ASCC3: variants seen among roughly 807,000 people sequenced by gnomAD.
The protein encoded by ASCC3 is activating signal cointegrator 1 complex subunit 3, also known as ASC-1 complex subunit P200.
In ASCC3, 158 loss-of-function variants were observed where a neutral mutation model predicts 256.3. The observed-to-expected ratio is 0.62, with a 90% confidence interval of 0.54 to 0.70. The LOEUF (loss-of-function observed/expected upper bound fraction) is 0.70. Ranked by LOEUF, ASCC3 falls within the 30% of genes least tolerant of loss-of-function variation. The probability of loss-of-function intolerance (pLI) is 0.00; values close to 1 mark genes in which losing one functional copy is unlikely to be tolerated. For synonymous variants in ASCC3, 948 were observed against 883.4 expected (o/e 1.07, Z -1.30); for missense variants, 2,259 against 2,626.0 (o/e 0.86, Z 3.05).
chr6:100,530,913 G>C, intron 37 of ASCC3: 1 of 1,300,590 alleles, frequency 7.7e-7, no homozygotes. Context: ...AAAGACACTT[G>C]GAATCTTCTT....
intron 14 of ASCC3, among the ~76,000 whole-genome samples, chr6:100,668,588 G>A (rs766755486): frequency 2.0e-5 from 3 of 151,776 alleles, no homozygotes; most frequent in African/African-American, 4.8e-5. Context: ...CGAATATAAT[G>A]GCACTGATAT....
chr6:100,600,987 A>G (rs951112765), intron 34 of ASCC3, among the ~76,000 whole-genome samples: 6 of 152,250 alleles, frequency 3.9e-5, no homozygotes, highest in African/African-American at 1.4e-4. Flanking sequence ...AGTCAAGACA[A>G]TCTTGTCTCC....
chr6:100,670,104 A>G (rs1031789620), intron 14 of ASCC3, among the ~76,000 whole-genome samples: 15 of 152,168 alleles, frequency 9.9e-5, no homozygotes, highest in African/African-American at 3.6e-4. Flanking sequence ...ACAACGGGCC[A>G]AGATTATGAA....
At chr6:100,554,796 G>A (rs1005461995) in intron 36 of ASCC3, among the ~76,000 whole-genome samples, 1 of 151,656 alleles carries the variant, frequency 6.6e-6, no homozygotes, top group Admixed American at 6.6e-5. Context: ...TACCACACTA[G>A]GTCCAGATAT....
intron 13 of ASCC3, among the ~76,000 whole-genome samples, chr6:100,680,071 C>T (rs1777226685): frequency 6.6e-6 from 1 of 152,170 alleles, no homozygotes; most frequent in Non-Finnish European, 1.5e-5. Flanking sequence ...ATATTGAGAG[C>T]TTTCTCATTG....
At chr6:100,599,654 G>A (rs1772492450) in intron 34 of ASCC3, among the ~76,000 whole-genome samples, 1 of 150,790 alleles carries the variant, frequency 6.6e-6, no homozygotes, top group Admixed American at 6.6e-5. Context: ...ATTTAAAATA[G>A]AAAGTTCAAC....
chr6:100,746,688 A>G (rs987709979), intron 10 of ASCC3, among the ~76,000 whole-genome samples: 2 of 152,198 alleles, frequency 1.3e-5, no homozygotes, highest in African/African-American at 4.8e-5. Flanking sequence ...ATCAAAAATT[A>G]GTGAAAACCA....
intron 3 of ASCC3, among the ~76,000 whole-genome samples, chr6:100,863,544 A>G (rs1279541559): frequency 1.3e-5 from 2 of 152,156 alleles, no homozygotes; most frequent in Admixed American, 1.3e-4. Context: ...ATAGTATTAT[A>G]ATTACTAATT....
intron 4 of ASCC3, among the ~76,000 whole-genome samples, chr6:100,825,178 C>T (rs765347258): frequency 1.3e-5 from 2 of 152,088 alleles, no homozygotes; most frequent in Non-Finnish European, 2.9e-5. Context: ...TTGTCCAACC[C>T]GTGGCCTGTG....
chr6:100,725,850 T>A, intron 10 of ASCC3, 147 bp from the exon 11 acceptor site: 2 of 775,546 alleles, frequency 2.6e-6, no homozygotes, highest in Non-Finnish European at 4.2e-6. Flanking sequence ...TCTAATTTAC[T>A]ATAGACAACA....
intron 8 of ASCC3, among the ~76,000 whole-genome samples, chr6:100,789,511 A>G (rs1468029233): frequency 2.0e-5 from 3 of 152,006 alleles, no homozygotes; most frequent in African/African-American, 4.8e-5. Context: ...ATTAAGTATA[A>G]GCAAACCTGA....
chr6:100,704,467 T>A (rs943371395), intron 13 of ASCC3, among the ~76,000 whole-genome samples: 3 of 152,046 alleles, frequency 2.0e-5, no homozygotes, highest in Non-Finnish European at 4.4e-5. Context: ...AAAGGGCCAA[T>A]GGAAAGTTTC....
intron 36 of ASCC3, among the ~76,000 whole-genome samples, chr6:100,541,730 C>CA (rs1307913840): frequency 2.0e-5 from 3 of 151,642 alleles, no homozygotes; most frequent in Admixed American, 6.6e-5. Flanking sequence ...ATCAACTATG[C>CA]AAAAAAACAG....
chr6:100,535,959 C>A (rs1444047280), intron 37 of ASCC3, among the ~76,000 whole-genome samples: 1 of 152,064 alleles, frequency 6.6e-6, no homozygotes, highest in African/African-American at 2.4e-5. Context: ...ATAGTGTAGC[C>A]ATTAGAAATT....
intron 36 of ASCC3, among the ~76,000 whole-genome samples, chr6:100,585,141 G>C (rs1771576168): frequency 6.6e-6 from 1 of 152,090 alleles, no homozygotes; most frequent in African/African-American, 2.4e-5. Flanking sequence ...TGCTAGATTG[G>C]GGAAGTTCTC....
At chr6:100,624,206 G>A (rs1055866673) in intron 30 of ASCC3, among the ~76,000 whole-genome samples, 24 of 151,754 alleles carry the variant, frequency 1.6e-4, no homozygotes, top group African/African-American at 5.1e-4. Flanking sequence ...ATGTATATAT[G>A]TATAGAAATA....
intron 29 of ASCC3, 121 bp downstream of exon 29, chr6:100,627,469 T>A: frequency 7.7e-7 from 1 of 1,298,436 alleles, no homozygotes; most frequent in Non-Finnish European, 1.1e-6. Flanking sequence ...ACAAACAGTT[T>A]TAGATATACG....
intron 37 of ASCC3, chr6:100,531,102 A>G: frequency 8.7e-7 from 1 of 1,150,964 alleles, no homozygotes; most frequent in East Asian, 2.3e-5. Flanking sequence ...TAAATACAAC[A>G]GAAAATTGCA....
intron 8 of ASCC3, among the ~76,000 whole-genome samples, chr6:100,796,289 T>A (rs947835633): frequency 6.6e-6 from 1 of 152,170 alleles, no homozygotes; most frequent in Non-Finnish European, 1.5e-5. Flanking sequence ...TTTGGTAGTG[T>A]CTTAAACACC....
Sources: gnomAD v4.1 joint callset for allele counts (sites outside exome capture counted in the v4.1 genomes callset) on GRCh38, gnomAD v4.1.1 for gene constraint, MANE v1.5 for transcripts, NCBI Gene and HGNC (gene_info 2026-07-23, HGNC 2026-07-21) for gene names.